AGBL4: variants seen among roughly 807,000 people sequenced by gnomAD.
AGBL4 encodes AGBL carboxypeptidase 4, also known as cytosolic carboxypeptidase 6.
AGBL4 carries 58 observed loss-of-function variants against 66.4 expected under a neutral mutation model. The ratio of observed to expected loss-of-function variants is 0.87; its 90% CI spans 0.71 to 1.09. The LOEUF (loss-of-function observed/expected upper bound fraction) is 1.09, where lower values mean the gene tolerates loss of function less well. Among genes scored for constraint, AGBL4 ranks in the 50% least tolerant of loss-of-function variants. The pLI, the probability that AGBL4 is intolerant of heterozygous loss-of-function variation, is 0.00. For missense variants in AGBL4, 579 were observed against 631.0 expected (o/e 0.92, Z 0.88); for synonymous variants, 234 against 222.9 (o/e 1.05, Z -0.44).
downstream of AGBL4, among the ~76,000 whole-genome samples, chr1:48,532,091 T>A (rs1381609850): frequency 6.6e-6 from 1 of 152,186 alleles, no homozygotes; most frequent in Non-Finnish European, 1.5e-5. Flanking sequence ...GCCTATTTTT[T>A]ATTTTAAACA....
rs963266446 is a variant in AGBL4, at chr1:48,871,984, T to C, written c.595-4754A>G. ...CAATTATTCTCTCTGAAAACTATAGTTGTCCTAAGTTAAAGAACCTATCTT... is the reference window on the plus strand; with the variant it reads ...CAATTATTCTCTCTGAAAACTATAGCTGTCCTAAGTTAAAGAACCTATCTT... On this transcript the variant is annotated intron_variant, in intron 5 of 13. Transcript: ENST00000371839. Among the ~76,000 whole-genome samples the C allele has an allele frequency of 2.0e-5, 3 of 152,276 alleles. No individual in the cohort carries two copies. The South Asian group carries it at 6.2e-4, about 32-fold the overall frequency.
At chr1:49,732,815 A>G (rs1008252778) in intron 2 of AGBL4, among the ~76,000 whole-genome samples, 2 of 152,158 alleles carry the variant, frequency 1.3e-5, no homozygotes, top group Non-Finnish European at 2.9e-5. Flanking sequence ...TATTTACCCC[A>G]AAGAGAGGAG....
chr1:48,675,828 A>G (rs1646355646), intron 6 of AGBL4, among the ~76,000 whole-genome samples: 1 of 152,252 alleles, frequency 6.6e-6, no homozygotes, highest in Admixed American at 6.5e-5. Context: ...CTGGATTTTT[A>G]CATGTTAGAT....
At chr1:48,766,722 T>C (rs1322747731) in intron 6 of AGBL4, among the ~76,000 whole-genome samples, 1 of 152,208 alleles carries the variant, frequency 6.6e-6, no homozygotes, top group Non-Finnish European at 1.5e-5. Context: ...ATTTCGAGGC[T>C]CCTCTGAGAG....
intron 4 of AGBL4, among the ~76,000 whole-genome samples, chr1:49,196,213 G>T (rs957463988): frequency 3.3e-5 from 5 of 152,090 alleles, no homozygotes; most frequent in African/African-American, 1.2e-4. Flanking sequence ...TCAAGGCTTT[G>T]TTTATTCTTT....
At chr1:48,691,956 C>T (rs1023015129) in intron 6 of AGBL4, among the ~76,000 whole-genome samples, 1 of 152,184 alleles carries the variant, frequency 6.6e-6, no homozygotes, top group Admixed American at 6.5e-5. Context: ...CTGATCCTCC[C>T]GACTCTGCCC....
chr1:49,584,028 GC>G (rs1429536936), intron 3 of AGBL4, among the ~76,000 whole-genome samples: 1 of 152,132 alleles, frequency 6.6e-6, no homozygotes, highest in Non-Finnish European at 1.5e-5. Flanking sequence ...TACTCTTGTT[GC>G]CTTATTTTTT....
chr1:48,585,459 G>C (rs905736120), intron 11 of AGBL4: 9 of 152,214 alleles, frequency 5.9e-5, no homozygotes, highest in Admixed American at 5.9e-4. Context: ...TCTGGAGAAG[G>C]CATAGGCCAT....
chr1:49,090,893 T>C (rs1052045332), intron 4 of AGBL4, among the ~76,000 whole-genome samples: 28 of 152,068 alleles, frequency 1.8e-4, no homozygotes, highest in African/African-American at 1.7e-4. Flanking sequence ...AATATACACA[T>C]AGACCAATGG....
intron 3 of AGBL4, among the ~76,000 whole-genome samples, chr1:49,419,040 G>A (rs1380041221): frequency 5.3e-5 from 8 of 152,158 alleles, no homozygotes; most frequent in South Asian, 2.1e-4. Context: ...GAAGGGAAAG[G>A]ATGGAGATAA....
At chr1:49,957,166 G>C (rs1344210730) in intron 1 of AGBL4, among the ~76,000 whole-genome samples, 1 of 151,896 alleles carries the variant, frequency 6.6e-6, no homozygotes, top group East Asian at 1.9e-4. Context: ...AATTAAATAA[G>C]AGTGTAATTA....
At chr1:49,920,649 T>C (rs1652127843) in intron 1 of AGBL4, among the ~76,000 whole-genome samples, 1 of 152,124 alleles carries the variant, frequency 6.6e-6, no homozygotes. Context: ...GGTGGGACTG[T>C]AAATTAGTTC....
intron 3 of AGBL4, among the ~76,000 whole-genome samples, chr1:49,524,184 A>T (rs1196176142): frequency 1.3e-5 from 2 of 152,094 alleles, no homozygotes; most frequent in Non-Finnish European, 1.5e-5. Flanking sequence ...ACACACATTC[A>T]TCTCCTTACT....
intron 1 of AGBL4, among the ~76,000 whole-genome samples, chr1:49,890,914 T>C (rs1414555892): frequency 6.6e-6 from 1 of 152,214 alleles, no homozygotes; most frequent in African/African-American, 2.4e-5. Flanking sequence ...GGGGTTCATC[T>C]GGCATAACAG....
intron 2 of AGBL4, among the ~76,000 whole-genome samples, chr1:49,759,669 T>G (rs1477840191): frequency 6.6e-6 from 1 of 152,166 alleles, no homozygotes; most frequent in Non-Finnish European, 1.5e-5. Context: ...TTGCAGTTTC[T>G]CCGTGAATAT....
intron 4 of AGBL4, among the ~76,000 whole-genome samples, chr1:49,101,840 T>C (rs1645208063): frequency 6.6e-6 from 1 of 152,084 alleles, no homozygotes; most frequent in African/African-American, 2.4e-5. Context: ...CTGTGGGATA[T>C]GAACAAAAAT....
chr1:49,939,967 A>G (rs1303924721), intron 1 of AGBL4, among the ~76,000 whole-genome samples: 1 of 152,238 alleles, frequency 6.6e-6, no homozygotes, highest in Non-Finnish European at 1.5e-5. Context: ...CAAAGGGCTA[A>G]TATCCAGAAT....
intron 3 of AGBL4, among the ~76,000 whole-genome samples, chr1:49,402,587 G>C (rs1174109196): frequency 2.3e-5 from 3 of 129,672 alleles, no homozygotes; most frequent in Non-Finnish European, 5.0e-5. Context: ...TTTTTTTTGA[G>C]ATGGAGTTTT....
At chr1:48,730,258 T>A (rs1262478471) in intron 6 of AGBL4, among the ~76,000 whole-genome samples, 9 of 152,218 alleles carry the variant, frequency 5.9e-5, no homozygotes, top group Non-Finnish European at 1.5e-5. Flanking sequence ...ACACCCATAG[T>A]GACTTTGTAG....
Sources: gnomAD v4.1 joint callset for allele counts (sites outside exome capture counted in the v4.1 genomes callset) on GRCh38, gnomAD v4.1.1 for gene constraint, MANE v1.5 for transcripts, NCBI Gene and HGNC (gene_info 2026-07-23, HGNC 2026-07-21) for gene names.